ARNT2: variants seen among roughly 807,000 people sequenced by gnomAD.
ARNT2 encodes ARNT protein 2.
Under a neutral mutation model 91.7 loss-of-function variants are expected in ARNT2, and 36 were observed. The observed-to-expected ratio is 0.39, with a 90% confidence interval of 0.30 to 0.52. The LOEUF is 0.52. ARNT2 is among the 20% of genes least tolerant of loss of function. ARNT2 has a pLI of 0.72. For synonymous variants in ARNT2, 365 were observed against 347.1 expected, an observed-to-expected ratio of 1.05 and a Z score of -0.57; for missense variants, 775 against 939.3, an observed-to-expected ratio of 0.83 and a Z score of 2.29.
rs1257213449 is a variant in ARNT2 at position 80,508,085 on chromosome 15, TC to T, written c.623-67del. 39 of 1,455,642 alleles carry T rather than the reference TC, an allele frequency of 2.7e-5. No homozygotes were observed. In the East Asian group the frequency reaches 8.9e-4, roughly 33 times the overall value. The allele number at this position is 1,455,642 out of a possible 1,614,324, so 90.2% of individuals were successfully genotyped here. On this transcript the variant is annotated intron_variant, in intron 5 of 18. Transcript: ENST00000303329. ...TTGGCAGAGCATTTGGAGAAAGCAC[TC>T]CCCGAACTCCCTCCTCCATCTCCCA...
At chr15:80,571,743 T>C (rs1898587287) in intron 12 of ARNT2, among the ~76,000 whole-genome samples, 1 of 152,196 alleles carries the variant, frequency 6.6e-6, no homozygotes, top group African/African-American at 2.4e-5. Context: ...GCCTAGGGGC[T>C]CTTCACCATC....
chr15:80,479,250 T>G (rs74027987), intron 5 of ARNT2, among the ~76,000 whole-genome samples: 10,664 of 152,296 alleles, frequency 0.07, 896 homozygotes, highest in African/African-American at 0.19. Flanking sequence ...TCAAAGAGTT[T>G]CAGCATCTGG....
chr15:80,430,059 A>G (rs1595958442), intron 1 of ARNT2, among the ~76,000 whole-genome samples: 1 of 152,170 alleles, frequency 6.6e-6, no homozygotes, highest in East Asian at 1.9e-4. Flanking sequence ...AGCGGTTACC[A>G]GGATCTGTCT....
chr15:80,418,538 C>T (rs958795874), intron 1 of ARNT2, among the ~76,000 whole-genome samples: 4 of 152,246 alleles, frequency 2.6e-5, no homozygotes, highest in Non-Finnish European at 5.9e-5. Context: ...CTTCCTTGTC[C>T]TCACTGACAG....
At chr15:80,466,075 C>T (rs1896648383) in intron 3 of ARNT2, among the ~76,000 whole-genome samples, 1 of 152,240 alleles carries the variant, frequency 6.6e-6, no homozygotes, top group Admixed American at 6.5e-5. Context: ...ATGGGGCTGT[C>T]TCATTCAGTC....
At chr15:80,522,675 T>C (rs1897569046) in intron 8 of ARNT2, among the ~76,000 whole-genome samples, 1 of 151,914 alleles carries the variant, frequency 6.6e-6, no homozygotes, top group Non-Finnish European at 1.5e-5. Context: ...AAATATGGTA[T>C]TGTAATCTTA....
chr15:80,528,495 T>A (rs1423961554), intron 8 of ARNT2, among the ~76,000 whole-genome samples: 2 of 152,058 alleles, frequency 1.3e-5, no homozygotes, highest in African/African-American at 4.8e-5. Flanking sequence ...CTATCTACTA[T>A]GGTGTGGTTT....
Position 80,591,875 on chromosome 15 carries a change from C to T in ARNT2, c.2055+171C>T, listed in dbSNP as rs527808880. 9 of 645,330 alleles carry T rather than the reference C, an allele frequency of 1.4e-5. No homozygotes were observed. Among genetic ancestry groups the T allele is most frequent in the East Asian group, 1.4e-4 (1 of 7,306 alleles). 40.0% of individuals were successfully genotyped at this position (645,330 alleles called of 1,614,324 possible). A position where few individuals can be genotyped will look rare whatever the true frequency, so the allele number is the denominator to read the frequency against. On this transcript the variant is annotated intron_variant, in intron 18 of 18. Transcript: ENST00000303329. The surrounding 1 kb of genome is among the most constrained non-coding windows in gnomAD (Gnocchi z 5.1). ...AAGCCCCATCCTACCCAGCCAGAAA[C>T]GTCAGGTGCATGTGGGAAGGAGAAG...
At chr15:80,581,138 C>G (rs767229832) in intron 16 of ARNT2, 101 bp from the exon 17 acceptor site, 2 of 1,428,474 alleles carry the variant, frequency 1.4e-6, no homozygotes, top group East Asian at 2.3e-5. Context: ...TCACTGTCAA[C>G]CCAGAGCAGG....
At chr15:80,488,938 C>T (rs999712407) in intron 5 of ARNT2, among the ~76,000 whole-genome samples, 5 of 152,152 alleles carry the variant, frequency 3.3e-5, no homozygotes, top group Admixed American at 6.5e-5. Flanking sequence ...GGAAGCCAAT[C>T]GACAAATACT....
chr15:80,577,679 G>C (rs1898703012), intron 15 of ARNT2, among the ~76,000 whole-genome samples: 1 of 152,246 alleles, frequency 6.6e-6, no homozygotes, highest in Admixed American at 6.5e-5. Context: ...ACCCTAAGCA[G>C]AGCTTCCAGA....
intron 10 of ARNT2, among the ~76,000 whole-genome samples, chr15:80,554,302 G>A (rs1434756516): frequency 1.3e-5 from 2 of 152,056 alleles, no homozygotes; most frequent in Admixed American, 6.6e-5. Flanking sequence ...CCAGCTACTC[G>A]GGAGGCTGAG....
intron 8 of ARNT2, among the ~76,000 whole-genome samples, chr15:80,535,071 A>G (rs1028688412): frequency 7.9e-5 from 12 of 152,188 alleles, no homozygotes; most frequent in Non-Finnish European, 1.5e-5. Flanking sequence ...TTCTACATTC[A>G]GGGCAGGAGG....
At chr15:80,412,736 C>T (rs1292237648) in intron 1 of ARNT2, among the ~76,000 whole-genome samples, 3 of 152,132 alleles carry the variant, frequency 2.0e-5, no homozygotes, top group Non-Finnish European at 4.4e-5. Context: ...ATTGAACATC[C>T]CCGTATATGA....
intron 10 of ARNT2, 98 bp from the exon 11 acceptor site, chr15:80,554,967 A>G: frequency 7.6e-7 from 1 of 1,311,116 alleles, no homozygotes; most frequent in Non-Finnish European, 1.1e-6. Context: ...AAAGGAGATG[A>G]GTTAAAGGAG....
intron 11 of ARNT2, among the ~76,000 whole-genome samples, chr15:80,562,524 TG>T (rs1439388128): frequency 6.6e-6 from 1 of 152,236 alleles, no homozygotes; most frequent in Non-Finnish European, 1.5e-5. Context: ...AACATCAAAG[TG>T]TCATACATAG....
chr15:80,503,937 T>A (rs1331676272), intron 5 of ARNT2, among the ~76,000 whole-genome samples: 1 of 152,168 alleles, frequency 6.6e-6, no homozygotes, highest in Admixed American at 6.5e-5. Context: ...CTGCAAGTGT[T>A]GAGGGGAGCA....
chr15:80,453,789 G>A (rs1283399905), intron 2 of ARNT2, among the ~76,000 whole-genome samples: 1 of 152,146 alleles, frequency 6.6e-6, no homozygotes, highest in African/African-American at 2.4e-5. Context: ...GAGAGAGAGG[G>A]GAAAGAAGAG....
Position 80,580,526 on chromosome 15 carries a change from A to C in ARNT2, c.1729A>C (p.Ser577Arg). The C allele has an allele frequency of 6.2e-7, 1 of 1,614,110 alleles. No individual in the cohort carries two copies. Among genetic ancestry groups the C allele is most frequent in the East Asian group, 2.2e-5 (1 of 44,878 alleles). Residue 577 changes from serine (S) to arginine (R), a missense_variant, in exon 16 of 19, where the codon AGT (serine) becomes CGT (arginine). This residue lies in a region of ARNT2 where 325 missense variants were observed against 359.9 expected (regional missense o/e 0.90). Transcript: ENST00000303329. ...LNQSQVAWTG[S>R]RPPFPGQQIP... is the part of the protein sequence containing the mutation. Reference sequence around the variant, plus strand: ...CCAGAGTCAGGTGGCATGGACAGGGAGTCGTCCGCCCTTTCCGGGACAGGT... The same window carrying C: ...CCAGAGTCAGGTGGCATGGACAGGGCGTCGTCCGCCCTTTCCGGGACAGGT...
Sources: allele counts gnomAD v4.1 joint callset (sites outside exome capture counted in the v4.1 genomes callset), GRCh38; gene constraint gnomAD v4.1.1; regional missense constraint gnomAD v4.1.1; non-coding constraint Gnocchi (gnomAD v3.1); transcripts MANE v1.5; gene names NCBI Gene and HGNC (gene_info 2026-07-23, HGNC 2026-07-21).